Variants in AARD observed in about 807,000 individuals in gnomAD.
AARD encodes the protein alanine and arginine rich domain containing protein, also known as alanine- and arginine-rich domain-containing protein.
A neutral mutation model predicts 9.3 loss-of-function variants in AARD; 9 were observed. The ratio of observed to expected loss-of-function variants is 0.97; its 90% confidence interval spans 0.58 to 1.69. The LOEUF is 1.69. Ranked by LOEUF, AARD falls within the 40% of genes most tolerant of loss-of-function variation. The pLI, the probability that AARD is intolerant of heterozygous loss-of-function variation, is 0.00. For missense variants in AARD, 236 were observed against 210.3 expected (o/e 1.12, Z -0.76); for synonymous variants, 91 against 93.8 (o/e 0.97, Z 0.17).
intron 1 of AARD, among the ~76,000 whole-genome samples, chr8:116,940,207 A>C (rs972848799): frequency 6.6e-6 from 1 of 152,202 alleles, no homozygotes; most frequent in Admixed American, 6.5e-5. Context: ...TTACTTAGCC[A>C]GTTTGAGTTT....
chr8:116,942,473 C>G, intron 1 of AARD, 85 bp from the exon 2 acceptor site: 1 of 1,187,732 alleles, frequency 8.4e-7, no homozygotes, highest in Admixed American at 2.8e-5. Flanking sequence ...CTACAAACTT[C>G]TTATTTCTTC....
At position 116,938,440 on chromosome 8, in the gene AARD, C is replaced by T; in HGVS notation, c.197C>T (p.Ala66Val). The change falls in exon 1 of 2, where the codon GCC (alanine) becomes GTC (valine). Residue 66 changes from alanine (A) to valine (V), a missense_variant. Coordinates refer to ENST00000378279, the MANE Select transcript of AARD (RefSeq NM_001025357.3). The part of the protein sequence containing the change: ...LEDLRRRLTR[A>V]FQWAVQRAIS... ...GACCTCAGACGACGGCTGACGCGCGCCTTCCAGTGGGCGGTGCAGCGCGCG... is the reference window on the plus strand; with the variant it reads ...GACCTCAGACGACGGCTGACGCGCGTCTTCCAGTGGGCGGTGCAGCGCGCG... 1.2e-6 allele frequency: 2 copies of T among 1,608,280 alleles called. No homozygotes were observed. Among genetic ancestry groups the T allele is most frequent in the Non-Finnish European group, 1.7e-6 (2 of 1,178,066 alleles).
At chr8:116,940,381 T>C (rs1478431718) in intron 1 of AARD, among the ~76,000 whole-genome samples, 1 of 152,172 alleles carries the variant, frequency 6.6e-6, no homozygotes, top group Non-Finnish European at 1.5e-5. Context: ...AAAGAACTGA[T>C]ACATTCCTAT....
intron 1 of AARD, among the ~76,000 whole-genome samples, chr8:116,939,432 G>A (rs1402976674): frequency 6.6e-6 from 1 of 152,186 alleles, no homozygotes; most frequent in Non-Finnish European, 1.5e-5. Flanking sequence ...AGGAGTTCGA[G>A]ACCAGCCTGG....
chr8:116,939,172 CAG>C (rs1344374358), intron 1 of AARD, among the ~76,000 whole-genome samples: 3 of 152,152 alleles, frequency 2.0e-5, no homozygotes, highest in Non-Finnish European at 4.4e-5. Flanking sequence ...TAGGAGCAAT[CAG>C]ACTTTAAAAT....
Position 116,941,236 on chromosome 8 carries a change from A to G in AARD, c.325-1322A>G, listed in dbSNP as rs146421191. On this transcript the variant is annotated intron_variant, in intron 1 of 1. Transcript: ENST00000378279. Reference sequence around the variant, plus strand: ...TGCTGTGGATGCACAGATGAGAGGCAATTATGTCTGCCCATGCAATCAGGG... The same window carrying G: ...TGCTGTGGATGCACAGATGAGAGGCGATTATGTCTGCCCATGCAATCAGGG... Among the ~76,000 whole-genome samples the G allele has an allele frequency of 1.9e-3, 292 of 152,324 alleles. 4 individuals are homozygous for G. Among genetic ancestry groups the G allele is most frequent in the African/African-American group, 6.5e-3 (271 of 41,572 alleles).
In AARD at chr8:116,943,755, T is replaced by C. The variant is rs951107794; in HGVS notation, c.*1054T>C. 2.0e-5 allele frequency: 3 copies of C among 152,164 alleles called. No individual in the cohort carries two copies. Among genetic ancestry groups the C allele is most frequent in the Non-Finnish European group, 2.9e-5 (2 of 68,022 alleles). The allele number at this position is 152,164 out of a possible 1,614,324, so 9.4% of individuals were successfully genotyped here. A position where few individuals can be genotyped will look rare whatever the true frequency, so the allele number is the denominator to read the frequency against. On this transcript the variant is annotated 3_prime_UTR_variant, in exon 2 of 2. Coordinates refer to ENST00000378279, the MANE Select transcript of AARD (RefSeq NM_001025357.3). ...TTCCTGGGGTCAAGCTGTATAAGAC[T>C]CCAGGCCTTGCTCTTGTTTATGTAC...
chr8:116,940,862 C>T (rs571940407), intron 1 of AARD, among the ~76,000 whole-genome samples: 1 of 152,248 alleles, frequency 6.6e-6, no homozygotes, highest in South Asian at 2.1e-4. Context: ...TCATAACTTT[C>T]ATCAGATTCT....
intron 1 of AARD, among the ~76,000 whole-genome samples, chr8:116,941,512 G>T (rs1337771879): frequency 6.6e-6 from 1 of 152,120 alleles, no homozygotes; most frequent in Non-Finnish European, 1.5e-5. Flanking sequence ...CAGGCAAGGT[G>T]CAAGGGTTTT....
At chr8:116,940,655 A>G (rs16889297) in intron 1 of AARD, among the ~76,000 whole-genome samples, 1,785 of 152,330 alleles carry the variant, frequency 0.012, 36 homozygotes, top group African/African-American at 0.041. Flanking sequence ...TATTAGGATG[A>G]TATTCGTAAG....
Position 116,942,863 on chromosome 8 carries a change from G to A in AARD, c.*162G>A. Reference sequence around the variant, plus strand: ...AAAATACAAAAAATTAGCCAGACGTGGTGGCAGGCACCTGTAGTCCCTGCT... The same window carrying A: ...AAAATACAAAAAATTAGCCAGACGTAGTGGCAGGCACCTGTAGTCCCTGCT... On this transcript the variant is annotated 3_prime_UTR_variant, in exon 2 of 2. Transcript: ENST00000378279. 1.8e-6 allele frequency: 1 copy of A among 548,888 alleles called. No individual in the cohort carries two copies. The highest frequency in any genetic ancestry group is 1.9e-5 in the African/African-American group (1 of 52,996). 34.0% of individuals were successfully genotyped at this position (548,888 alleles called of 1,614,324 possible). A position where few individuals can be genotyped will look rare whatever the true frequency, so the allele number is the denominator to read the frequency against.
chr8:116,940,412 T>C (rs1813731576), intron 1 of AARD, among the ~76,000 whole-genome samples: 1 of 152,196 alleles, frequency 6.6e-6, no homozygotes, highest in Non-Finnish European at 1.5e-5. Context: ...GGAGTTTTTC[T>C]GGAAAGGAAC....
At chr8:116,942,403 C>G (rs577484624) in intron 1 of AARD, among the ~76,000 whole-genome samples, 155 bp from the exon 2 acceptor site, 6 of 152,200 alleles carry the variant, frequency 3.9e-5, no homozygotes, top group Non-Finnish European at 8.8e-5. Flanking sequence ...CCAGACCAAA[C>G]AGTTAAAACT....
At chr8:116,941,609 A>G (rs910564993) in intron 1 of AARD, among the ~76,000 whole-genome samples, 6 of 152,336 alleles carry the variant, frequency 3.9e-5, no homozygotes, top group African/African-American at 1.2e-4. Flanking sequence ...GCTGTCAGAA[A>G]AATGATTCTA....
Position 116,942,584 on chromosome 8 carries a change from G to A in AARD, c.351G>A (p.Gln117=). ...ELVEMHFQNH[Q]LARTLLDLNM... ...TGGAAATGCATTTCCAAAACCACCAGCTGGCTAGAACTTTACTGGACCTAA... is the reference window on the plus strand; with the variant it reads ...TGGAAATGCATTTCCAAAACCACCAACTGGCTAGAACTTTACTGGACCTAA... The change falls in exon 2 of 2, where the codon CAG becomes CAA. Residue 117 remains glutamine, a synonymous_variant. Transcript: ENST00000378279. The A allele has an allele frequency of 1.2e-6, 2 of 1,612,328 alleles. No individual in the cohort carries two copies. The highest frequency in any genetic ancestry group is 1.3e-5 in the African/African-American group (1 of 74,978).
In AARD at chr8:116,938,265, C is replaced by T. The variant is rs750573887; in HGVS notation, c.22C>T (p.Arg8Cys). 2.3e-5 allele frequency: 37 copies of T among 1,602,820 alleles called. No homozygotes were observed. The South Asian group carries it at 3.7e-4, about 16-fold the overall frequency. The change falls in exon 1 of 2, where the codon CGC (arginine) becomes TGC (cysteine). Residue 8 changes from arginine to cysteine, a missense_variant. Physicochemically the swap from Arg to Cys is radical, Grantham distance 180 (BLOSUM62 -3). Transcript: ENST00000378279. The part of the protein sequence containing the change: MGPGDFR[R>C]CRERISQGLQ... ...CGCGATGGGCCCCGGGGACTTCCGC[C>T]GCTGCAGAGAGAGAATTTCCCAGGG...
In AARD at chr8:116,942,718, G is replaced by A; in HGVS notation, c.*17G>A. 6.2e-7 allele frequency: 1 copy of A among 1,610,104 alleles called. No homozygotes were observed. The highest frequency in any genetic ancestry group is 8.5e-7 in the Non-Finnish European group (1 of 1,178,472). On this transcript the variant is annotated 3_prime_UTR_variant, in exon 2 of 2. Transcript: ENST00000378279. ...CCGGAATAAAGAAATGCACACGCAA[G>A]GGCTGGGCGCGGTGGCTCACGCCTG... is the stretch of plus-strand genomic sequence containing the variant.
intron 1 of AARD, among the ~76,000 whole-genome samples, chr8:116,940,735 G>T (rs1027923391): frequency 1.3e-5 from 2 of 152,094 alleles, no homozygotes; most frequent in African/African-American, 4.8e-5. Context: ...GTTTGACTGG[G>T]TTTTCTTAGT....
intron 1 of AARD, among the ~76,000 whole-genome samples, chr8:116,939,962 T>C (rs1419746681): frequency 1.3e-5 from 2 of 152,210 alleles, no homozygotes; most frequent in African/African-American, 4.8e-5. Flanking sequence ...GAGATTACAC[T>C]GAATAAGCTC....
Sources: allele counts gnomAD v4.1 joint callset (sites outside exome capture counted in the v4.1 genomes callset), GRCh38; gene constraint gnomAD v4.1.1; transcripts MANE v1.5; gene names NCBI Gene and HGNC (gene_info 2026-07-23, HGNC 2026-07-21).